The following PTPRJ variants were observed in gnomAD, a reference collection of about 807,000 sequenced individuals.
PTPRJ encodes receptor-type tyrosine-protein phosphatase eta.
Under a neutral mutation model 141.3 loss-of-function variants are expected in PTPRJ, and 129 were observed. That is an observed-to-expected ratio of 0.91 (90% CI 0.79 to 1.06). PTPRJ has a LOEUF of 1.06. PTPRJ is among the 50% of genes least tolerant of loss of function. The pLI, the probability that PTPRJ is intolerant of heterozygous loss-of-function variation, is 0.00. For synonymous variants in PTPRJ, 610 were observed against 640.5 expected (o/e 0.95, Z 0.72); for missense variants, 1,601 against 1,679.7 (o/e 0.95, Z 0.82).
intron 1 of PTPRJ, among the ~76,000 whole-genome samples, chr11:48,064,128 C>T (rs1215093279): frequency 6.6e-6 from 1 of 151,954 alleles, no homozygotes; most frequent in African/African-American, 2.4e-5. Flanking sequence ...CTTGTGTTTC[C>T]TTCTGTTTTT....
At chr11:48,131,600 G>GT in intron 8 of PTPRJ, 1 of 751,072 alleles carries the variant, frequency 1.3e-6, no homozygotes, top group Non-Finnish European at 2.5e-6. Context: ...CTCATTGTCT[G>GT]TTTTTGTAAA....
rs1590578922 is a variant in PTPRJ at position 48,168,966 on chromosome 11, A to G, written c.*1604A>G. On this transcript the variant is annotated 3_prime_UTR_variant, in exon 25 of 25. Coordinates refer to ENST00000418331, the MANE Select transcript of PTPRJ (RefSeq NM_002843.4). ...TCCCTGGAGTCCTGTGGCTGTTGCC[A>G]CAGTAATGTGTCCTGCTGTAAACAG... is the stretch of plus-strand genomic sequence containing the variant. 2 of 152,220 alleles carry G rather than the reference A, an allele frequency of 1.3e-5. No homozygotes were observed. The highest frequency in any genetic ancestry group is 3.4e-3 in the Middle Eastern group (1 of 294). 9.4% of individuals were successfully genotyped at this position (152,220 alleles called of 1,614,324 possible). A position where few individuals can be genotyped will look rare whatever the true frequency, so the allele number is the denominator to read the frequency against.
At chr11:48,138,781 G>A (rs998457184) in intron 10 of PTPRJ, among the ~76,000 whole-genome samples, 2 of 152,130 alleles carry the variant, frequency 1.3e-5, no homozygotes, top group African/African-American at 4.8e-5. Flanking sequence ...ACCTCTCTGA[G>A]CCTCTGTGGA....
chr11:48,023,549 C>T (rs1285149996), intron 1 of PTPRJ, among the ~76,000 whole-genome samples: 1 of 152,030 alleles, frequency 6.6e-6, no homozygotes, highest in Non-Finnish European at 1.5e-5. Flanking sequence ...TTTGGGAGGC[C>T]AAGGCAGGCC....
chr11:48,055,360 T>C (rs933880438), intron 1 of PTPRJ, among the ~76,000 whole-genome samples: 2 of 152,218 alleles, frequency 1.3e-5, no homozygotes, highest in African/African-American at 4.8e-5. Flanking sequence ...ATGGGAACTT[T>C]TGATGCAACA....
chr11:48,117,900 G>A (rs952866644), intron 3 of PTPRJ, among the ~76,000 whole-genome samples: 3 of 152,018 alleles, frequency 2.0e-5, no homozygotes, highest in African/African-American at 7.2e-5. Context: ...TGATACCACA[G>A]AAATACAAAG....
intron 1 of PTPRJ, among the ~76,000 whole-genome samples, chr11:48,049,427 C>G (rs1029328373): frequency 3.9e-5 from 6 of 151,982 alleles, no homozygotes; most frequent in African/African-American, 9.7e-5. Flanking sequence ...CCTGTAATCC[C>G]AGCACTTTGG....
intron 1 of PTPRJ, among the ~76,000 whole-genome samples, chr11:48,075,597 T>G (rs527601452): frequency 2.3e-3 from 342 of 151,092 alleles, no homozygotes; most frequent in South Asian, 6.9e-3. Flanking sequence ...TAAATTTTTT[T>G]TGTGTGTGTG....
At chr11:47,989,104 C>T (rs1269578566) in intron 1 of PTPRJ, among the ~76,000 whole-genome samples, 6 of 150,656 alleles carry the variant, frequency 4.0e-5, no homozygotes, top group African/African-American at 1.5e-4. Context: ...AGGATGGTCT[C>T]GATCTCCTGA....
At position 47,980,747 on chromosome 11, in the gene PTPRJ, C is replaced by T; in HGVS notation, c.-166C>T. 14 of 1,015,214 alleles carry T rather than the reference C, an allele frequency of 1.4e-5. No individual in the cohort carries two copies. The highest frequency in any genetic ancestry group is 1.6e-5 in the Non-Finnish European group (14 of 851,586). The allele number at this position is 1,015,214 out of a possible 1,614,324, so 62.9% of individuals were successfully genotyped here. On this transcript the variant is annotated 5_prime_UTR_variant, in exon 1 of 25. Transcript: ENST00000418331. ...TGGCCGCGGCCGCCGCCGCCGCTGCCATGTCTCCGGGGAAGCCCGGGGCGG... is the reference window on the plus strand; with the variant it reads ...TGGCCGCGGCCGCCGCCGCCGCTGCTATGTCTCCGGGGAAGCCCGGGGCGG...
At chr11:48,096,372 C>T (rs538730157) in intron 1 of PTPRJ, among the ~76,000 whole-genome samples, 2 of 152,144 alleles carry the variant, frequency 1.3e-5, no homozygotes, top group South Asian at 2.1e-4. Flanking sequence ...CTGCGAAGGC[C>T]GATGGGATTG....
At chr11:48,127,657 G>A (rs1476781347) in intron 6 of PTPRJ, 123 bp from the exon 7 acceptor site, 3 of 1,002,014 alleles carry the variant, frequency 3.0e-6, no homozygotes, top group Admixed American at 2.1e-5. Context: ...GGTTGATGGT[G>A]CAGAGGAGGA....
intron 1 of PTPRJ, among the ~76,000 whole-genome samples, chr11:48,016,648 G>A (rs1854956546): frequency 6.6e-6 from 1 of 152,086 alleles, no homozygotes; most frequent in Admixed American, 6.5e-5. Context: ...CCTAATTTCT[G>A]CCCTGCCAGC....
intron 1 of PTPRJ, among the ~76,000 whole-genome samples, chr11:48,021,648 C>T (rs1286051810): frequency 6.6e-6 from 1 of 151,890 alleles, no homozygotes; most frequent in Non-Finnish European, 1.5e-5. Context: ...TTAAGGAGCA[C>T]TGCACCCTGC....
rs776964787 is a variant in PTPRJ, at chr11:48,136,296, C to G, written c.1873C>G (p.Arg625Gly). ...CCCCAACTCCACTGCACAGTACACACGTAAGTCTCTTAGGATGCCCTTCTA... is the reference window on the plus strand; with the variant it reads ...CCCCAACTCCACTGCACAGTACACAGGTAAGTCTCTTAGGATGCCCTTCTA... ...GDPNSTAQYT[R>G]PSNVSNIDVS... Residue 625 changes from arginine to glycine, a missense_variant and splice_region_variant, in exon 9 of 25, where the codon CGG (arginine) becomes GGG (glycine). By Grantham distance (125) the Arg-to-Gly change is moderately radical. Coordinates refer to ENST00000418331, the MANE Select transcript of PTPRJ (RefSeq NM_002843.4). 2 of 1,613,222 alleles carry G rather than the reference C, an allele frequency of 1.2e-6. No individual in the cohort carries two copies. The highest frequency in any genetic ancestry group is 2.2e-5 in the East Asian group (1 of 44,876).
intron 14 of PTPRJ, 98 bp from the exon 15 acceptor site, chr11:48,146,778 T>C: frequency 2.3e-6 from 2 of 866,882 alleles, no homozygotes; most frequent in Non-Finnish European, 4.0e-6. Context: ...GTATACACAC[T>C]TTAACTCTCT....
intron 15 of PTPRJ, among the ~76,000 whole-genome samples, chr11:48,147,700 TG>T (rs1184135045): frequency 6.6e-6 from 1 of 152,168 alleles, no homozygotes; most frequent in Admixed American, 6.5e-5. Context: ...GTGTGTTAGT[TG>T]GGATTTCTTT....
At chr11:48,019,905 C>T (rs1855065343) in intron 1 of PTPRJ, among the ~76,000 whole-genome samples, 1 of 152,068 alleles carries the variant, frequency 6.6e-6, no homozygotes, top group African/African-American at 2.4e-5. Flanking sequence ...CTTTGCATCA[C>T]ATATTGTTTA....
At chr11:48,042,742 CTGTGTGTGTGTGTAGGGG>C (rs1565272841) in intron 1 of PTPRJ, among the ~76,000 whole-genome samples, 1 of 145,666 alleles carries the variant, frequency 6.9e-6, no homozygotes, top group African/African-American at 2.6e-5. Context: ...TTTCTTTTGC[CTGTGTGTGTGTGTAGGGG>C]TGTGTGTGTG....
Sources: gnomAD v4.1 joint callset for allele counts (sites outside exome capture counted in the v4.1 genomes callset) on GRCh38, gnomAD v4.1.1 for gene constraint, MANE v1.5 for transcripts, NCBI Gene and HGNC (gene_info 2026-07-23, HGNC 2026-07-21) for gene names.